Variants in HCN1 observed in about 807,000 individuals in gnomAD.
HCN1 encodes the protein potassium/sodium hyperpolarization-activated cyclic nucleotide-gated channel 1.
In HCN1, 13 loss-of-function variants were observed where a neutral mutation model predicts 78.9. The ratio of observed to expected loss-of-function variants is 0.16; its 90% CI spans 0.11 to 0.26. The LOEUF is 0.26. Among genes scored for constraint, HCN1 ranks in the 10% least tolerant of loss-of-function variants. The probability of loss-of-function intolerance (pLI) is 1.00; values close to 1 mark genes in which losing one functional copy is unlikely to be tolerated. For missense variants in HCN1, 810 were observed against 1,154.3 expected (o/e 0.70, Z 4.32); for synonymous variants, 552 against 455.5 (o/e 1.21, Z -2.70).
chr5:45,649,431 C>A (rs565697320), intron 1 of HCN1, among the ~76,000 whole-genome samples: 11 of 152,146 alleles, frequency 7.2e-5, no homozygotes, highest in African/African-American at 2.6e-4. Flanking sequence ...CATTATCAAC[C>A]AGAGCCCACA....
chr5:45,318,850 C>T (rs567805255), intron 5 of HCN1, among the ~76,000 whole-genome samples: 1 of 152,002 alleles, frequency 6.6e-6, no homozygotes, highest in African/African-American at 2.4e-5. Context: ...CTCCTTTTGC[C>T]TCATCTTAGT....
intron 5 of HCN1, among the ~76,000 whole-genome samples, chr5:45,333,240 G>A (rs1321962176): frequency 6.6e-6 from 1 of 151,734 alleles, no homozygotes; most frequent in Admixed American, 6.6e-5. Context: ...GATGACCAAT[G>A]ATGATGAACA....
At position 45,261,924 on chromosome 5, in the gene HCN1, T is replaced by C. The variant is rs745623718; in HGVS notation, c.2670A>G (p.Leu890=). ...CTGCTTTGACAATCAGCAGGGATCA[T>C]AAATTTGAAGCAAATCGTGGCTTTT... ...DAEKPRFASN[L] The change falls in exon 8 of 8, where the codon TTA becomes TTG. Residue 890 remains leucine, a synonymous_variant. Transcript: ENST00000303230. 1.2e-6 allele frequency: 2 copies of C among 1,614,016 alleles called. No homozygotes were observed. The highest frequency in any genetic ancestry group is 1.7e-5 in the Admixed American group (1 of 60,008).
chr5:45,636,770 T>A (rs2112019567), intron 2 of HCN1, among the ~76,000 whole-genome samples: 1 of 151,970 alleles, frequency 6.6e-6, no homozygotes, highest in East Asian at 1.9e-4. Context: ...AGCTTAGGAG[T>A]TCAAGGTTGC....
Position 45,493,658 on chromosome 5 carries a change from G to C in HCN1, c.850-31651C>G, listed in dbSNP as rs866238946. ...GTACATGTGCACAATGTGCAGGTTA[G>C]TTACATATGTATACATGTGCCATGC... On this transcript the variant is annotated intron_variant, in intron 2 of 7. Coordinates refer to ENST00000303230, the MANE Select transcript of HCN1 (RefSeq NM_021072.4). Among the ~76,000 whole-genome samples the C allele has an allele frequency of 2.3e-3, 355 of 151,132 alleles. 3 individuals carry two copies. The highest frequency in any genetic ancestry group is 8.1e-3 in the African/African-American group (333 of 41,102).
chr5:45,518,645 G>T (rs1294860180), intron 2 of HCN1, among the ~76,000 whole-genome samples: 1 of 151,982 alleles, frequency 6.6e-6, no homozygotes, highest in Non-Finnish European at 1.5e-5. Flanking sequence ...GGGCTGAAGA[G>T]AATCAAAATG....
At chr5:45,397,551 C>A (rs1739711813) in intron 3 of HCN1, among the ~76,000 whole-genome samples, 1 of 151,568 alleles carries the variant, frequency 6.6e-6, no homozygotes, top group African/African-American at 2.4e-5. Flanking sequence ...TTTTATTGAA[C>A]TCCCTAATTC....
intron 2 of HCN1, among the ~76,000 whole-genome samples, chr5:45,568,457 C>T (rs536291239): frequency 2.4e-4 from 36 of 151,984 alleles, no homozygotes; most frequent in African/African-American, 7.7e-4. Context: ...CCCAGAATAA[C>T]GCTCTGTGCC....
chr5:45,460,380 G>T (rs1741121779), intron 3 of HCN1, among the ~76,000 whole-genome samples: 2 of 151,994 alleles, frequency 1.3e-5, no homozygotes, highest in Non-Finnish European at 2.9e-5. Context: ...CCTTCATCTT[G>T]TACTCTCCAG....
chr5:45,485,572 C>T (rs1347027580), intron 2 of HCN1, among the ~76,000 whole-genome samples: 1 of 152,064 alleles, frequency 6.6e-6, no homozygotes, highest in African/African-American at 2.4e-5. Flanking sequence ...AAGGGAAATA[C>T]TCATGGCTTA....
intron 2 of HCN1, among the ~76,000 whole-genome samples, chr5:45,487,006 T>G (rs1051614621): frequency 6.6e-6 from 1 of 152,100 alleles, no homozygotes; most frequent in Non-Finnish European, 1.5e-5. Context: ...TATGTTTCCA[T>G]TGGTGTTTCC....
At chr5:45,681,722 G>A (rs1035273281) in intron 1 of HCN1, among the ~76,000 whole-genome samples, 8 of 151,974 alleles carry the variant, frequency 5.3e-5, no homozygotes, top group Admixed American at 3.9e-4. Flanking sequence ...GCACAATTTG[G>A]CAAAGTGGAA....
At chr5:45,565,689 T>C (rs1033033656) in intron 2 of HCN1, among the ~76,000 whole-genome samples, 5 of 151,788 alleles carry the variant, frequency 3.3e-5, no homozygotes, top group Non-Finnish European at 7.4e-5. Flanking sequence ...CTGGGTGTGG[T>C]GTCACACGGG....
intron 5 of HCN1, among the ~76,000 whole-genome samples, chr5:45,333,833 C>T (rs1054297039): frequency 6.6e-6 from 1 of 151,744 alleles, no homozygotes; most frequent in Non-Finnish European, 1.5e-5. Flanking sequence ...ACATTCCCAC[C>T]AAACGTGTAC....
Position 45,262,060 on chromosome 5 carries a change from A to C in HCN1, c.2534T>G (p.Met845Arg). The C allele has an allele frequency of 6.2e-7, 1 of 1,613,894 alleles. No homozygotes were observed. The highest frequency in any genetic ancestry group is 1.1e-5 in the South Asian group (1 of 91,074). ...VPQRVTLFRQMSSGAIPPNRG... is the reference protein window; with the variant it reads ...VPQRVTLFRQRSSGAIPPNRG... ...GTTCGGGGGGATGGCTCCCGACGAC[A>C]TCTGTCGGAAGAGGGTGACGCGCTG... The change falls in exon 8 of 8, where the codon ATG (methionine) becomes AGG (arginine). Residue 845 changes from methionine to arginine, a missense_variant. By Grantham distance (91) the Met-to-Arg change is moderately conservative. Transcript: ENST00000303230.
chr5:45,269,319 A>G (rs1049704069), intron 6 of HCN1, among the ~76,000 whole-genome samples: 19 of 152,232 alleles, frequency 1.2e-4, no homozygotes, highest in Non-Finnish European at 2.4e-4. Flanking sequence ...TTAAAGCTAT[A>G]CAAAGTGAAA....
chr5:45,483,410 G>A (rs2337412), intron 2 of HCN1, among the ~76,000 whole-genome samples: 2 of 151,882 alleles, frequency 1.3e-5, no homozygotes, highest in African/African-American at 4.8e-5. Flanking sequence ...GTGTGTTGGC[G>A]ACTTGTACAT....
At chr5:45,546,000 T>C (rs1743217017) in intron 2 of HCN1, among the ~76,000 whole-genome samples, 1 of 152,050 alleles carries the variant, frequency 6.6e-6, no homozygotes, top group African/African-American at 2.4e-5. Flanking sequence ...TCAATGATGG[T>C]TTATTTACCC....
At position 45,479,626 on chromosome 5, in the gene HCN1, C is replaced by T. The variant is rs143061462; in HGVS notation, c.850-17619G>A. Among the ~76,000 whole-genome samples, 763 of 152,220 alleles carry T rather than the reference C, an allele frequency of 5.0e-3. 2 individuals are homozygous for T. The highest frequency in any genetic ancestry group is 0.017 in the African/African-American group (726 of 41,526). ...AAAGAGAAGGAAAGAGGCACAGTGGCTCCTAGGTTTCTAATTGTGGTATTT... is the reference window on the plus strand; with the variant it reads ...AAAGAGAAGGAAAGAGGCACAGTGGTTCCTAGGTTTCTAATTGTGGTATTT... On this transcript the variant is annotated intron_variant, in intron 2 of 7. Transcript: ENST00000303230.
Sources: allele counts gnomAD v4.1 joint callset (sites outside exome capture counted in the v4.1 genomes callset), GRCh38; gene constraint gnomAD v4.1.1; transcripts MANE v1.5; gene names NCBI Gene and HGNC (gene_info 2026-07-23, HGNC 2026-07-21).